The following NAALAD2 variants were observed in gnomAD, a reference collection of about 807,000 sequenced individuals.
The protein encoded by NAALAD2 is N-acetylated-alpha-linked acidic dipeptidase 2.
NAALAD2 carries 89 observed loss-of-function variants against 95.6 expected under a neutral mutation model. The observed-to-expected ratio is 0.93, with a 90% CI of 0.78 to 1.11. The LOEUF (loss-of-function observed/expected upper bound fraction) is 1.11, where lower values mean the gene tolerates loss of function less well. Among genes scored for constraint, NAALAD2 ranks in the 50% least tolerant of loss-of-function variants. The pLI is 0.00. For synonymous variants in NAALAD2, 264 were observed against 294.4 expected (o/e 0.90, Z 1.06); for missense variants, 894 against 872.4 (o/e 1.02, Z -0.31).
Position 90,181,691 on chromosome 11 carries a change from GAT to G in NAALAD2, c.1931_1932del (p.Asp644AlafsTer2). On this transcript the variant is annotated frameshift_variant, in exon 17 of 19. Transcript: ENST00000534061. LOFTEE classifies it high-confidence loss of function. ...SDFHKRLIQVDLNNPIAVRMM... is the reference protein window; with the variant it reads ...SDFHKRLIQVXLNNPIAVRMM... ...TTTTCATAAACGACTTATACAAGTT[GAT>G]CTTAACAAGTAAGTTTCAAATCCCT... 1 of 1,567,194 alleles carries G rather than the reference GAT, an allele frequency of 6.4e-7. No individual in the cohort carries two copies. Among genetic ancestry groups the G allele is most frequent in the Non-Finnish European group, 8.7e-7 (1 of 1,153,524 alleles).
Position 90,134,693 on chromosome 11 carries a change from C to T in NAALAD2, c.-66C>T. 3.3e-6 allele frequency: 5 copies of T among 1,532,334 alleles called. No individual in the cohort carries two copies. The highest frequency in any genetic ancestry group is 4.5e-6 in the Non-Finnish European group (5 of 1,108,130). The allele number at this position is 1,532,334 out of a possible 1,614,324, so 94.9% of individuals were successfully genotyped here. ...TCACAGCCTCCTGCCAGCGCGCTCT[C>T]TGTTTCTCTGCAGCCCCGAAGCTCG... On this transcript the variant is annotated 5_prime_UTR_variant, in exon 1 of 19. Coordinates refer to ENST00000534061, the MANE Select transcript of NAALAD2 (RefSeq NM_005467.4).
intron 2 of NAALAD2, among the ~76,000 whole-genome samples, chr11:90,140,575 G>T (rs951949263): frequency 1.3e-5 from 2 of 151,500 alleles, no homozygotes; most frequent in African/African-American, 4.8e-5. Flanking sequence ...GACCCATGTT[G>T]TTCAAACCTA....
chr11:90,188,275 T>G (rs1026272128), intron 18 of NAALAD2, among the ~76,000 whole-genome samples: 4 of 152,216 alleles, frequency 2.6e-5, no homozygotes, highest in African/African-American at 9.7e-5. Flanking sequence ...TGAGATTCAG[T>G]AATGAATAAA....
intron 7 of NAALAD2, chr11:90,158,690 ATTAT>A (rs1952197381): frequency 5.7e-6 from 1 of 174,906 alleles, no homozygotes; most frequent in South Asian, 1.5e-4. Context: ...TGATAGGGTT[ATTAT>A]AAGATCATAT....
intron 18 of NAALAD2, among the ~76,000 whole-genome samples, chr11:90,187,146 G>A (rs1857170803): frequency 6.6e-6 from 1 of 151,374 alleles, no homozygotes; most frequent in African/African-American, 2.4e-5. Flanking sequence ...CAGTTAGAAT[G>A]GCAATCATTA....
chr11:90,155,338 A>G (rs1242234602), intron 6 of NAALAD2, among the ~76,000 whole-genome samples: 1 of 105,584 alleles, frequency 9.5e-6, no homozygotes, highest in Non-Finnish European at 1.8e-5. Context: ...ATGTATAATT[A>G]TATATATTAT....
intron 6 of NAALAD2, among the ~76,000 whole-genome samples, chr11:90,152,966 C>T (rs1287571412): frequency 1.3e-5 from 2 of 152,004 alleles, no homozygotes; most frequent in Non-Finnish European, 2.9e-5. Flanking sequence ...AATTAACATA[C>T]CCATTATCTC....
At chr11:90,168,021 A>T (rs978033088) in intron 11 of NAALAD2, among the ~76,000 whole-genome samples, 7 of 152,090 alleles carry the variant, frequency 4.6e-5, no homozygotes, top group African/African-American at 7.2e-5. Context: ...TCTTTGCAAT[A>T]TTGCTGCTGC....
chr11:90,173,754 T>C (rs556558726), intron 13 of NAALAD2, 70 bp from the exon 14 acceptor site: 20 of 1,022,166 alleles, frequency 2.0e-5, no homozygotes, highest in Non-Finnish European at 3.0e-5. Context: ...ACAAATAATA[T>C]ATAGTTTTAT....
In NAALAD2 at chr11:90,134,770, C is replaced by T; in HGVS notation, c.12C>T (p.Ser4=). ...GTCCTCAAGAAGCCATGGCGGAATC[C>T]AGGGGCCGTCTGTACCTTTGGATGT... MAE[S]RGRLYLWMCL... is the part of the protein sequence containing the mutation. The change falls in exon 1 of 19, where the codon TCC becomes TCT. Residue 4 remains serine, a synonymous_variant. Transcript: ENST00000534061. The T allele has an allele frequency of 6.2e-7, 1 of 1,614,020 alleles. No homozygotes were observed. Among genetic ancestry groups the T allele is most frequent in the African/African-American group, 1.3e-5 (1 of 75,040 alleles).
At chr11:90,177,173 A>G (rs1952816682) in intron 15 of NAALAD2, among the ~76,000 whole-genome samples, 1 of 152,226 alleles carries the variant, frequency 6.6e-6, no homozygotes, top group Admixed American at 6.5e-5. Context: ...ACGGGATACT[A>G]CTATGTAATA....
chr11:90,154,150 T>A (rs1470528095), intron 6 of NAALAD2, among the ~76,000 whole-genome samples: 1 of 151,830 alleles, frequency 6.6e-6, no homozygotes, highest in Non-Finnish European at 1.5e-5. Flanking sequence ...CTTTTTTGTA[T>A]ATACATTTTA....
chr11:90,158,154 T>A lies in NAALAD2; in HGVS notation c.806T>A (p.Phe269Tyr). Residue 269 changes from phenylalanine (F) to tyrosine (Y), a missense_variant, in exon 7 of 19, where the codon TTC becomes TAC. By Grantham distance (22) the Phe-to-Tyr change is conservative. Transcript: ENST00000534061. The part of the protein sequence containing the change: ...TPGYPAKEYT[F>Y]RLDVEEGVGI... ...CATTTGATTTTTTTAGAATACACTTTCAGACTTGATGTTGAAGAAGGAGTG... is the reference window on the plus strand; with the variant it reads ...CATTTGATTTTTTTAGAATACACTTACAGACTTGATGTTGAAGAAGGAGTG... 2.5e-6 allele frequency: 4 copies of A among 1,605,406 alleles called. No individual in the cohort carries two copies. The highest frequency in any genetic ancestry group is 3.4e-6 in the Non-Finnish European group (4 of 1,174,314).
chr11:90,150,671 A>T lies in NAALAD2; in HGVS notation c.609+64A>T, dbSNP rs1951867542. 7 of 1,322,448 alleles carry T rather than the reference A, an allele frequency of 5.3e-6. No homozygotes were observed. The East Asian group carries it at 1.8e-4, about 34-fold the overall frequency. 81.9% of individuals were successfully genotyped at this position (1,322,448 alleles called of 1,614,324 possible). ...TATATATATTCTGTAAATGTAAATG[A>T]CCAACTTGCTTCTCTGTTTCCAAAT... On this transcript the variant is annotated intron_variant, in intron 5 of 18. Coordinates refer to ENST00000534061, the MANE Select transcript of NAALAD2 (RefSeq NM_005467.4).
At chr11:90,158,051 T>C in intron 6 of NAALAD2, 94 bp from the exon 7 acceptor site, 1 of 937,128 alleles carries the variant, frequency 1.1e-6, no homozygotes, top group Non-Finnish European at 1.7e-6. Flanking sequence ...ATTGCAAATG[T>C]ATAGCAAATC....
At chr11:90,177,586 GTTTTTT>G (rs57694347) in intron 15 of NAALAD2, among the ~76,000 whole-genome samples, 97 of 28,304 alleles carry the variant, frequency 3.4e-3, no homozygotes, top group African/African-American at 7.0e-3. Flanking sequence ...TCTTTTTCTT[GTTTTTT>G]TTTTTTTTTT....
intron 2 of NAALAD2, among the ~76,000 whole-genome samples, chr11:90,137,056 G>T (rs1450927598): frequency 6.6e-6 from 1 of 152,088 alleles, no homozygotes; most frequent in East Asian, 1.9e-4. Flanking sequence ...ATCATTTGTA[G>T]CAAAATGAAT....
chr11:90,169,927 C>T (rs1362152892), intron 12 of NAALAD2, 142 bp from the exon 13 acceptor site: 5 of 621,400 alleles, frequency 8.0e-6, no homozygotes, highest in Non-Finnish European at 1.1e-5. Flanking sequence ...CTATTTCCAC[C>T]CTGTTTTATT....
chr11:90,183,781 T>G (rs1464928077), intron 18 of NAALAD2, among the ~76,000 whole-genome samples: 1 of 152,192 alleles, frequency 6.6e-6, no homozygotes, highest in Non-Finnish European at 1.5e-5. Context: ...TGAGCACATT[T>G]AAGGTAGGCT....
Sources: allele counts gnomAD v4.1 joint callset (sites outside exome capture counted in the v4.1 genomes callset), GRCh38; gene constraint gnomAD v4.1.1; transcripts MANE v1.5; gene names NCBI Gene and HGNC (gene_info 2026-07-23, HGNC 2026-07-21).